ARHGAP15: variants seen among roughly 807,000 people sequenced by gnomAD.
ARHGAP15 encodes the protein rho GTPase-activating protein 15.
A neutral mutation model predicts 63.7 loss-of-function variants in ARHGAP15; 51 were observed. That is an observed-to-expected ratio of 0.80 (90% CI 0.64 to 1.01). ARHGAP15 has a LOEUF of 1.01. Ranked by LOEUF, ARHGAP15 falls within the 50% of genes least tolerant of loss-of-function variation. The pLI is 0.00. For synonymous variants in ARHGAP15, 191 were observed against 193.8 expected (o/e 0.99, Z 0.12); for missense variants, 560 against 564.6 (o/e 0.99, Z 0.08).
intron 6 of ARHGAP15, among the ~76,000 whole-genome samples, chr2:143,312,446 G>T (rs1251027729): frequency 2.6e-5 from 4 of 151,116 alleles, no homozygotes; most frequent in Non-Finnish European, 5.9e-5. Flanking sequence ...ATATTATATG[G>T]CAATCTCTGC....
intron 13 of ARHGAP15, among the ~76,000 whole-genome samples, chr2:143,730,088 T>C (rs1685458576): frequency 6.6e-6 from 1 of 152,180 alleles, no homozygotes; most frequent in Non-Finnish European, 1.5e-5. Context: ...TGAATGGCTT[T>C]CAAAGAAGAT....
chr2:143,450,055 T>C (rs1010953261), intron 8 of ARHGAP15, among the ~76,000 whole-genome samples: 7 of 151,674 alleles, frequency 4.6e-5, no homozygotes, highest in African/African-American at 1.5e-4. Flanking sequence ...ATCTTTTTTT[T>C]TTTCCTAGTG....
At chr2:143,487,350 C>T in intron 8 of ARHGAP15, 23 bp from the exon 9 acceptor site, 2 of 1,584,170 alleles carry the variant, frequency 1.3e-6, no homozygotes, top group Non-Finnish European at 1.7e-6. Context: ...TACCAAAAGC[C>T]TCTGATTTTT....
At chr2:143,208,617 C>T (rs907576841) in intron 3 of ARHGAP15, among the ~76,000 whole-genome samples, 7 of 152,060 alleles carry the variant, frequency 4.6e-5, no homozygotes, top group Non-Finnish European at 8.8e-5. Context: ...TCCTGAGAAT[C>T]GGTGTGGTTG....
At chr2:143,274,072 T>G (rs1017481409) in intron 6 of ARHGAP15, among the ~76,000 whole-genome samples, 13 of 152,174 alleles carry the variant, frequency 8.5e-5, no homozygotes, top group African/African-American at 2.9e-4. Context: ...CCTTTAAAAT[T>G]TTTAAGTAAA....
intron 4 of ARHGAP15, among the ~76,000 whole-genome samples, chr2:143,218,277 C>CTTTT (rs762494225): frequency 0.024 from 2,176 of 92,038 alleles, 3 homozygotes; most frequent in East Asian, 0.032. Flanking sequence ...TTTAGTTTTC[C>CTTTT]TTTTTTTTTT....
At chr2:143,336,024 C>T (rs536361460) in intron 6 of ARHGAP15, among the ~76,000 whole-genome samples, 7 of 151,960 alleles carry the variant, frequency 4.6e-5, no homozygotes, top group African/African-American at 1.2e-4. Flanking sequence ...TTTTGAGACA[C>T]GGTTCTCACC....
chr2:143,518,682 A>G (rs1308479024), intron 9 of ARHGAP15, among the ~76,000 whole-genome samples: 1 of 152,180 alleles, frequency 6.6e-6, no homozygotes, highest in Non-Finnish European at 1.5e-5. Flanking sequence ...CTGAGATAGG[A>G]AGGAGTTAGT....
intron 6 of ARHGAP15, among the ~76,000 whole-genome samples, chr2:143,293,967 A>T (rs139143367): frequency 2.0e-5 from 3 of 152,216 alleles, no homozygotes; most frequent in Non-Finnish European, 4.4e-5. Flanking sequence ...CCATTTGACA[A>T]AAATAAAGTT....
At chr2:143,377,513 A>G (rs1043029526) in intron 6 of ARHGAP15, among the ~76,000 whole-genome samples, 2 of 151,944 alleles carry the variant, frequency 1.3e-5, no homozygotes, top group African/African-American at 2.4e-5. Flanking sequence ...CTTTACATAT[A>G]CATTGTTATT....
At chr2:143,130,658 A>C (rs1179609239) in intron 1 of ARHGAP15, among the ~76,000 whole-genome samples, 1 of 152,168 alleles carries the variant, frequency 6.6e-6, no homozygotes, top group African/African-American at 2.4e-5. Flanking sequence ...AGACCTCTTC[A>C]ATTGTCAATA....
At chr2:143,134,138 TCTATCTATCTATCTAC>T (rs1234059783) in intron 1 of ARHGAP15, among the ~76,000 whole-genome samples, 857 of 18,150 alleles carry the variant, frequency 0.047, 5 homozygotes, top group Middle Eastern at 0.11. Context: ...TATCTATCTA[TCTATCTATCTATCTAC>T]CTATCTATCT....
intron 1 of ARHGAP15, among the ~76,000 whole-genome samples, chr2:143,139,788 C>T (rs1558769470): frequency 1.3e-5 from 2 of 151,906 alleles, no homozygotes; most frequent in Non-Finnish European, 2.9e-5. Flanking sequence ...TTCTTTCTTA[C>T]AGAGATAGTA....
At chr2:143,233,343 A>C (rs999030062) in intron 5 of ARHGAP15, among the ~76,000 whole-genome samples, 1 of 151,918 alleles carries the variant, frequency 6.6e-6, no homozygotes, top group Non-Finnish European at 1.5e-5. Flanking sequence ...TTTCTCCCTC[A>C]TCCTAGAAAT....
chr2:143,384,664 C>A (rs185293677), intron 6 of ARHGAP15, among the ~76,000 whole-genome samples: 5 of 152,048 alleles, frequency 3.3e-5, no homozygotes, highest in Admixed American at 3.3e-4. Context: ...AAATAGCTGT[C>A]TCTTTTCTTG....
At chr2:143,587,638 T>A (rs1697160024) in intron 11 of ARHGAP15, 2 of 438,182 alleles carry the variant, frequency 4.6e-6, no homozygotes, top group South Asian at 3.5e-5. Context: ...TCCCTTCCCA[T>A]AATGAAGGAT....
At chr2:143,519,395 C>T in intron 10 of ARHGAP15, 31 bp downstream of exon 10, 2 of 1,527,816 alleles carry the variant, frequency 1.3e-6, no homozygotes, top group Non-Finnish European at 1.8e-6. Context: ...CAGTTCCCCC[C>T]ATTACTGCAC....
intron 10 of ARHGAP15, among the ~76,000 whole-genome samples, chr2:143,544,341 A>G (rs1019895217): frequency 4.6e-5 from 7 of 152,144 alleles, no homozygotes; most frequent in African/African-American, 1.7e-4. Context: ...GTCTCCAAAC[A>G]TTTTTCAAGT....
chr2:143,509,399 A>G (rs988481920), intron 9 of ARHGAP15, among the ~76,000 whole-genome samples: 3 of 152,098 alleles, frequency 2.0e-5, no homozygotes, highest in African/African-American at 4.8e-5. Flanking sequence ...TCGTAGATTC[A>G]GCAGAGAATC....
Sources: gnomAD v4.1 joint callset for allele counts (sites outside exome capture counted in the v4.1 genomes callset) on GRCh38, gnomAD v4.1.1 for gene constraint, MANE v1.5 for transcripts, NCBI Gene and HGNC (gene_info 2026-07-23, HGNC 2026-07-21) for gene names.